Variants in PPM1H observed in about 807,000 individuals in gnomAD.
The protein encoded by PPM1H is protein phosphatase 1H.
In PPM1H, 27 loss-of-function variants were observed where a neutral mutation model predicts 54.9. That is an observed-to-expected ratio of 0.49 (90% confidence interval 0.36 to 0.68). The LOEUF (loss-of-function observed/expected upper bound fraction) is 0.68. Ranked by LOEUF, PPM1H falls within the 30% of genes least tolerant of loss-of-function variation. PPM1H has a pLI of 0.00. For missense variants in PPM1H, 596 were observed against 667.8 expected, an observed-to-expected ratio of 0.89 and a Z score of 1.19; for synonymous variants, 305 against 270.8, an observed-to-expected ratio of 1.13 and a Z score of -1.24.
At chr12:62,832,766 C>T (rs1003659408) in intron 1 of PPM1H, among the ~76,000 whole-genome samples, 1 of 152,190 alleles carries the variant, frequency 6.6e-6, no homozygotes, top group African/African-American at 2.4e-5. Flanking sequence ...AACCATATTT[C>T]ACTACGGCCA....
At chr12:62,893,688 T>C (rs546599804) in intron 1 of PPM1H, among the ~76,000 whole-genome samples, 21 of 152,112 alleles carry the variant, frequency 1.4e-4, no homozygotes, top group African/African-American at 4.1e-4. Context: ...AGGTTTACCA[T>C]GTTGCCCAGG....
At chr12:62,741,897 C>A (rs1333574046) in intron 4 of PPM1H, among the ~76,000 whole-genome samples, 6 of 152,206 alleles carry the variant, frequency 3.9e-5, no homozygotes, top group East Asian at 3.9e-4. Context: ...CTACATAAGA[C>A]TTTTCTTAGT....
chr12:62,888,446 A>C (rs1870668223), intron 1 of PPM1H, among the ~76,000 whole-genome samples: 1 of 152,134 alleles, frequency 6.6e-6, no homozygotes, highest in Non-Finnish European at 1.5e-5. Context: ...AAAAGACTGG[A>C]ACCGAGAAAC....
chr12:62,699,290 G>C (rs1029909800), intron 6 of PPM1H, among the ~76,000 whole-genome samples: 7 of 152,174 alleles, frequency 4.6e-5, no homozygotes, highest in Admixed American at 6.5e-5. Context: ...TCTACCTCCT[G>C]GGTTCAAGTG....
intron 8 of PPM1H, among the ~76,000 whole-genome samples, chr12:62,670,834 A>G (rs1330205451): frequency 2.6e-5 from 4 of 152,176 alleles, no homozygotes; most frequent in South Asian, 2.1e-4. Flanking sequence ...GCACTCCCCA[A>G]TTAACATCTT....
intron 2 of PPM1H, among the ~76,000 whole-genome samples, chr12:62,819,951 C>A (rs1013340061): frequency 6.6e-6 from 1 of 152,138 alleles, no homozygotes; most frequent in Non-Finnish European, 1.5e-5. Flanking sequence ...CCAAAGAGGG[C>A]GAGCCGAAGC....
chr12:62,915,935 C>G (rs1438627992), intron 1 of PPM1H, among the ~76,000 whole-genome samples: 1 of 152,210 alleles, frequency 6.6e-6, no homozygotes, highest in Non-Finnish European at 1.5e-5. Context: ...TGTGCCTCCT[C>G]TACACAAAAC....
chr12:62,693,379 G>A (rs1565758848), intron 7 of PPM1H, among the ~76,000 whole-genome samples: 1 of 152,188 alleles, frequency 6.6e-6, no homozygotes. Context: ...TCTAATTACA[G>A]TGACGCTTTG....
intron 8 of PPM1H, among the ~76,000 whole-genome samples, chr12:62,670,138 C>T (rs1044583227): frequency 4.0e-5 from 6 of 151,634 alleles, no homozygotes; most frequent in South Asian, 2.1e-4. Flanking sequence ...CCACCACGCC[C>T]GGCTAATTTT....
At chr12:62,660,060 T>C (rs1332380336) in intron 9 of PPM1H, among the ~76,000 whole-genome samples, 1 of 152,188 alleles carries the variant, frequency 6.6e-6, no homozygotes, top group Non-Finnish European at 1.5e-5. Context: ...ATAGTGGGCC[T>C]TTCCTCATCA....
chr12:62,892,467 T>C (rs557693788), intron 1 of PPM1H, among the ~76,000 whole-genome samples: 2 of 152,282 alleles, frequency 1.3e-5, no homozygotes, highest in East Asian at 3.9e-4. Flanking sequence ...CAGTTCCTGG[T>C]TGCTTCTTTG....
intron 1 of PPM1H, among the ~76,000 whole-genome samples, chr12:62,883,470 C>G (rs1259517038): frequency 6.6e-6 from 1 of 152,062 alleles, no homozygotes; most frequent in African/African-American, 2.4e-5. Context: ...AGAAAGCCTC[C>G]CAGAACCTCA....
intron 6 of PPM1H, among the ~76,000 whole-genome samples, chr12:62,718,880 C>T (rs537682758): frequency 1.3e-5 from 2 of 152,144 alleles, no homozygotes; most frequent in Non-Finnish European, 2.9e-5. Context: ...CTGATAAATC[C>T]ATTCATATTT....
chr12:62,785,424 G>T (rs996795013), intron 4 of PPM1H, among the ~76,000 whole-genome samples: 1 of 152,158 alleles, frequency 6.6e-6, no homozygotes, highest in African/African-American at 2.4e-5. Flanking sequence ...TGATCCGCCC[G>T]CCTTGGCCTC....
intron 4 of PPM1H, among the ~76,000 whole-genome samples, chr12:62,741,227 C>T (rs1024214899): frequency 5.9e-5 from 9 of 152,176 alleles, no homozygotes; most frequent in East Asian, 1.9e-4. Context: ...GGCACCCAGG[C>T]GTGTAGATTT....
intron 2 of PPM1H, among the ~76,000 whole-genome samples, chr12:62,818,195 A>G (rs987605911): frequency 6.6e-6 from 1 of 152,226 alleles, no homozygotes; most frequent in African/African-American, 2.4e-5. Flanking sequence ...CTAGGTTATG[A>G]CATGCCTTTC....
chr12:62,693,842 T>C, intron 7 of PPM1H, 94 bp downstream of exon 7: 1 of 1,095,920 alleles, frequency 9.1e-7, no homozygotes, highest in South Asian at 1.4e-5. Context: ...AATCACAAGC[T>C]GCTGAGTGGA....
intron 2 of PPM1H, among the ~76,000 whole-genome samples, chr12:62,820,244 G>T (rs1030458281): frequency 3.9e-4 from 59 of 152,370 alleles, no homozygotes; most frequent in African/African-American, 1.3e-3. Flanking sequence ...AAACAAAGCG[G>T]CTGGGGAAGC....
intron 2 of PPM1H, among the ~76,000 whole-genome samples, chr12:62,815,491 C>T (rs61921193): frequency 0.061 from 9,310 of 152,156 alleles, 370 homozygotes; most frequent in South Asian, 0.14. Flanking sequence ...AGAATCAACT[C>T]GAGAATATTC....
Sources: gnomAD v4.1 joint callset for allele counts (sites outside exome capture counted in the v4.1 genomes callset) on GRCh38, gnomAD v4.1.1 for gene constraint, MANE v1.5 for transcripts, NCBI Gene and HGNC (gene_info 2026-07-23, HGNC 2026-07-21) for gene names.